The following RBFOX1 variants were observed in gnomAD, a reference collection of about 807,000 sequenced individuals.
RBFOX1 encodes RNA binding fox-1 homolog 1.
Under a neutral mutation model 57.7 loss-of-function variants are expected in RBFOX1, and 8 were observed. The ratio of observed to expected loss-of-function variants is 0.14; its 90% CI spans 0.08 to 0.25. The LOEUF (loss-of-function observed/expected upper bound fraction) is 0.25, where lower values mean the gene tolerates loss of function less well. RBFOX1 is among the 10% of genes least tolerant of loss of function. The probability of loss-of-function intolerance (pLI) is 1.00; values close to 1 mark genes in which losing one functional copy is unlikely to be tolerated. For synonymous variants in RBFOX1, 326 were observed against 222.4 expected (o/e 1.47, Z -4.15); for missense variants, 611 against 548.5 (o/e 1.11, Z -1.14).
At chr16:7,087,592 G>T (rs946110743) in intron 4 of RBFOX1, among the ~76,000 whole-genome samples, 1 of 151,648 alleles carries the variant, frequency 6.6e-6, no homozygotes, top group Admixed American at 6.6e-5. Flanking sequence ...GAGGGAGGGG[G>T]AGAGAGAGGG....
At chr16:5,711,167 C>T (rs1461619672) in intron 3 of RBFOX1, among the ~76,000 whole-genome samples, 8 of 152,182 alleles carry the variant, frequency 5.3e-5, no homozygotes, top group Admixed American at 4.6e-4. Context: ...ATGTAGTAAA[C>T]ACTTATATAG....
chr16:6,483,077 T>G (rs2153099826), intron 2 of RBFOX1: 1 of 947,826 alleles, frequency 1.1e-6, no homozygotes, highest in Non-Finnish European at 1.3e-6. Flanking sequence ...GCTTTGCAAG[T>G]GCCTCCGACC....
intron 2 of RBFOX1, among the ~76,000 whole-genome samples, chr16:6,647,777 T>A (rs2098545925): frequency 6.6e-6 from 1 of 152,142 alleles, no homozygotes; most frequent in Non-Finnish European, 1.5e-5. Flanking sequence ...GCTCTGTCAC[T>A]AGGTTGGAAT....
At position 5,686,625 on chromosome 16, in the gene RBFOX1, C is replaced by T. The variant is rs533098075; in HGVS notation, c.318+87664C>T. ...TTTGACTACTGCCTCCCCTAGAGGC[C>T]ATATGAATTGATTTCTCTCTATATA... On this transcript the variant is annotated intron_variant, in intron 3 of 19. Coordinates refer to the RBFOX1 transcript ENST00000641259. Among the ~76,000 whole-genome samples the T allele has an allele frequency of 1.2e-4, 19 of 152,174 alleles. No individual in the cohort carries two copies. In the South Asian group the frequency reaches 3.3e-3, roughly 27 times the overall value.
chr16:7,002,296 G>A (rs186936118), intron 3 of RBFOX1, among the ~76,000 whole-genome samples: 118 of 152,348 alleles, frequency 7.7e-4, no homozygotes, highest in Non-Finnish European at 1.4e-3. Flanking sequence ...ATGTGAGCCA[G>A]TGCATTTTCT....
chr16:5,654,451 T>G (rs1461618664), intron 3 of RBFOX1, among the ~76,000 whole-genome samples: 1 of 152,190 alleles, frequency 6.6e-6, no homozygotes, highest in African/African-American at 2.4e-5. Flanking sequence ...CCATTTCTTG[T>G]GGAGGTTGGG....
rs138123338 is a variant in RBFOX1, at chr16:6,474,837, T to C, written c.-64+157780T>C. 2.7e-3 allele frequency among the ~76,000 whole-genome samples: 411 copies of C among 152,334 alleles called. 3 individuals carry two copies. Among genetic ancestry groups the C allele is most frequent in the Non-Finnish European group, 4.2e-3 (288 of 68,038 alleles). On this transcript the variant is annotated intron_variant, in intron 2 of 15. Coordinates refer to ENST00000550418, the MANE Select transcript of RBFOX1 (RefSeq NM_018723.4). ...CTTTTTTGACTCATCGGTTTCACTT[T>C]TAGGTATCTACCCTGAGATAAGGCA...
chr16:6,769,569 C>G (rs145018353), intron 3 of RBFOX1, among the ~76,000 whole-genome samples: 4 of 152,342 alleles, frequency 2.6e-5, no homozygotes, highest in Non-Finnish European at 5.9e-5. Context: ...CTATTCGTGA[C>G]AATGCTGAAA....
chr16:5,464,665 A>G (rs922299353), intron 1 of RBFOX1, among the ~76,000 whole-genome samples: 4 of 152,212 alleles, frequency 2.6e-5, no homozygotes, highest in African/African-American at 9.6e-5. Flanking sequence ...TTTGTGCCCC[A>G]TCATGTCTCC....
intron 4 of RBFOX1, among the ~76,000 whole-genome samples, chr16:7,147,736 T>A (rs2075309841): frequency 6.6e-6 from 1 of 152,202 alleles, no homozygotes; most frequent in Non-Finnish European, 1.5e-5. Flanking sequence ...GTATCTAGGT[T>A]AATTTCATGT....
chr16:5,448,655 C>T (rs887365203), intron 1 of RBFOX1, among the ~76,000 whole-genome samples: 1 of 152,154 alleles, frequency 6.6e-6, no homozygotes, highest in African/African-American at 2.4e-5. Context: ...CTGGACCCTC[C>T]CTTTGGCGTT....
chr16:6,101,738 G>A (rs1336443835), intron 1 of RBFOX1, among the ~76,000 whole-genome samples: 2 of 152,140 alleles, frequency 1.3e-5, no homozygotes, highest in Non-Finnish European at 2.9e-5. Context: ...CCTGGCCAAC[G>A]TGGTGAAACC....
intron 1 of RBFOX1, among the ~76,000 whole-genome samples, chr16:6,130,731 A>C (rs2152673223): frequency 6.6e-6 from 1 of 152,300 alleles, no homozygotes; most frequent in Admixed American, 6.5e-5. Context: ...TGTCTGTATT[A>C]CTGTCAAAGT....
At chr16:5,749,324 A>T (rs1443798127) in intron 3 of RBFOX1, among the ~76,000 whole-genome samples, 1 of 152,128 alleles carries the variant, frequency 6.6e-6, no homozygotes, top group Non-Finnish European at 1.5e-5. Context: ...AACTTCGGTG[A>T]ATCTGACAAT....
chr16:5,389,795 T>G (rs1408650135), intron 1 of RBFOX1, among the ~76,000 whole-genome samples: 3 of 152,168 alleles, frequency 2.0e-5, no homozygotes, highest in Non-Finnish European at 2.9e-5. Flanking sequence ...TCACCCAGGC[T>G]CAAGCGATTC....
chr16:7,327,137 G>A (rs1399341282), intron 4 of RBFOX1, among the ~76,000 whole-genome samples: 1 of 152,106 alleles, frequency 6.6e-6, no homozygotes, highest in African/African-American at 2.4e-5. Context: ...TGGGTGGCAG[G>A]GACAACTTTG....
At chr16:6,508,729 T>C (rs2096178300) in intron 2 of RBFOX1, among the ~76,000 whole-genome samples, 1 of 152,186 alleles carries the variant, frequency 6.6e-6, no homozygotes, top group Non-Finnish European at 1.5e-5. Flanking sequence ...TCTCTACGCC[T>C]AAATTCACAG....
chr16:7,361,358 C>G (rs2097316017), intron 4 of RBFOX1, among the ~76,000 whole-genome samples: 1 of 152,196 alleles, frequency 6.6e-6, no homozygotes, highest in African/African-American at 2.4e-5. Context: ...TTGCATTAAG[C>G]AGATGTTTGC....
intron 1 of RBFOX1, among the ~76,000 whole-genome samples, chr16:6,314,974 C>A (rs1411511690): frequency 2.6e-5 from 4 of 152,202 alleles, no homozygotes; most frequent in Non-Finnish European, 5.9e-5. Flanking sequence ...TCCCCACTGT[C>A]CCCGGTGAAG....
Sources: allele counts gnomAD v4.1 joint callset (sites outside exome capture counted in the v4.1 genomes callset), GRCh38; gene constraint gnomAD v4.1.1; transcripts MANE v1.5; gene names NCBI Gene and HGNC (gene_info 2026-07-23, HGNC 2026-07-21).